The following PLPP7 variants were observed in gnomAD, a reference collection of about 807,000 sequenced individuals.
PLPP7 encodes the protein phospholipid phosphatase 7 (inactive).
Under a neutral mutation model 16.9 loss-of-function variants are expected in PLPP7, and 11 were observed. The observed-to-expected ratio is 0.65, with a 90% CI of 0.41 to 1.08. The LOEUF (loss-of-function observed/expected upper bound fraction) is 1.08, where lower values mean the gene tolerates loss of function less well. PLPP7 is among the 50% of genes least tolerant of loss of function. PLPP7 has a pLI of 0.00. For synonymous variants in PLPP7, 174 were observed against 175.1 expected, an observed-to-expected ratio of 0.99 and a Z score of 0.05; for missense variants, 358 against 397.1, an observed-to-expected ratio of 0.90 and a Z score of 0.84.
intron 1 of PLPP7, among the ~76,000 whole-genome samples, chr9:131,298,180 G>A (rs28469280): frequency 0.01 from 1,523 of 152,292 alleles, 17 homozygotes; most frequent in African/African-American, 0.035. Flanking sequence ...ATTCCTGCAA[G>A]GGGAAGAGCT....
At chr9:131,304,239 T>C (rs1835828953) in intron 1 of PLPP7, among the ~76,000 whole-genome samples, 1 of 152,094 alleles carries the variant, frequency 6.6e-6, no homozygotes, top group Non-Finnish European at 1.5e-5. Flanking sequence ...CATGGTGCCT[T>C]CCTCTCTCGG....
chr9:131,308,224 C>A lies in PLPP7; in HGVS notation c.753C>A (p.Phe251Leu). 1 of 1,599,602 alleles carries A rather than the reference C, an allele frequency of 6.3e-7. No individual in the cohort carries two copies. The highest frequency in any genetic ancestry group is 8.5e-7 in the Non-Finnish European group (1 of 1,179,816). Residue 251 changes from phenylalanine (F) to leucine (L), a missense_variant, in exon 2 of 2, where the codon TTC (phenylalanine) becomes TTA (leucine). Transcript: ENST00000372264. ...GCTTTGTCATCGGCTACCTCCAGTT[C>A]CGTCTGGTGGAGCTGGTCTGGATGC... ...LSGFVIGYLQFRLVELVWMPS... is the reference protein window; with the variant it reads ...LSGFVIGYLQLRLVELVWMPS...
At chr9:131,304,758 T>G (rs919887212) in intron 1 of PLPP7, among the ~76,000 whole-genome samples, 4 of 152,142 alleles carry the variant, frequency 2.6e-5, no homozygotes, top group Admixed American at 6.5e-5. Flanking sequence ...AAAAAACCTA[T>G]GAACAAACAG....
Position 131,290,998 on chromosome 9 carries a change from A to G in PLPP7, c.451+550A>G. On this transcript the variant is annotated intron_variant, in intron 1 of 1. Transcript: ENST00000372264. The surrounding 1 kb of genome is among the most constrained non-coding windows in gnomAD (Gnocchi z 4.2). ...TCCCCTGGGACTGCCACCCACTCAC[A>G]GCCCCCTGGAGTTCTTCCCTGCTCC... The G allele has an allele frequency of 8.1e-7, 1 of 1,235,208 alleles. No homozygotes were observed. The highest frequency in any genetic ancestry group is 1.2e-5 in the South Asian group (1 of 85,050). The allele number at this position is 1,235,208 out of a possible 1,614,324, so 76.5% of individuals were successfully genotyped here.
chr9:131,306,934 G>A (rs1196211429), intron 1 of PLPP7, among the ~76,000 whole-genome samples: 1 of 152,162 alleles, frequency 6.6e-6, no homozygotes, highest in African/African-American at 2.4e-5. Flanking sequence ...TGTAAATTTT[G>A]CTTCAATTTT....
intron 1 of PLPP7, among the ~76,000 whole-genome samples, chr9:131,292,279 T>A (rs1835686451): frequency 6.6e-6 from 1 of 152,204 alleles, no homozygotes; most frequent in African/African-American, 2.4e-5. Context: ...AGGCATACAC[T>A]CCAGTCTGTC....
intron 1 of PLPP7, chr9:131,291,235 GC>G (rs1444764136): frequency 1.0e-5 from 14 of 1,345,276 alleles, no homozygotes; most frequent in African/African-American, 1.5e-5. Flanking sequence ...TCCCCAAGGT[GC>G]CCCAGGAAGC....
Position 131,308,267 on chromosome 9 carries a change from A to G in PLPP7, c.796A>G (p.Met266Val). Residue 266 changes from methionine (M) to valine (V), a missense_variant, in exon 2 of 2, where the codon ATG becomes GTG. Physicochemically the swap from Met to Val is conservative, Grantham distance 21. Coordinates refer to ENST00000372264, the MANE Select transcript of PLPP7 (RefSeq NM_032728.4). ...LVWMPSSTCQ[M>V]LISAW ...CTGGATGCCCTCCAGCACCTGCCAG[A>G]TGCTCATCTCTGCCTGGTGAAGCGC... 1 of 1,595,036 alleles carries G rather than the reference A, an allele frequency of 6.3e-7. No individual in the cohort carries two copies. The highest frequency in any genetic ancestry group is 1.3e-5 in the African/African-American group (1 of 74,962).
intron 1 of PLPP7, among the ~76,000 whole-genome samples, chr9:131,307,376 G>A (rs1477154132): frequency 6.6e-6 from 1 of 151,158 alleles, no homozygotes; most frequent in Non-Finnish European, 1.5e-5. Context: ...ACATGGCAAA[G>A]CCCCATCTCT....
In PLPP7 at chr9:131,306,712, T is replaced by G. The variant is rs564800753; in HGVS notation, c.452-1211T>G. On this transcript the variant is annotated intron_variant, in intron 1 of 1. Coordinates refer to ENST00000372264, the MANE Select transcript of PLPP7 (RefSeq NM_032728.4). ...GCTGTCTGATTCCATTTACATGGAG[T>G]GTCTAGAGGAGGCAAATCCTCTAGA... 2.0e-5 allele frequency among the ~76,000 whole-genome samples: 3 copies of G among 151,940 alleles called. No homozygotes were observed. The East Asian group carries it at 5.8e-4, about 29-fold the overall frequency.
In PLPP7 at chr9:131,301,795, G is replaced by C. The variant is rs542194519; in HGVS notation, c.452-6128G>C. ...ATGGGTGAGTAGACCAAGGCGCTGA[G>C]AGGGGAAGGAACTTGTTCTTTTTTT... On this transcript the variant is annotated intron_variant, in intron 1 of 1. Coordinates refer to ENST00000372264, the MANE Select transcript of PLPP7 (RefSeq NM_032728.4). Among the ~76,000 whole-genome samples, 74 of 150,148 alleles carry C rather than the reference G, an allele frequency of 4.9e-4. 1 individual carries two copies. Among genetic ancestry groups the C allele is most frequent in the African/African-American group, 1.6e-3 (65 of 41,066 alleles).
Position 131,294,641 on chromosome 9 carries a change from G to A in PLPP7, c.451+4193G>A, listed in dbSNP as rs149770956. 2.0e-5 allele frequency among the ~76,000 whole-genome samples: 3 copies of A among 151,948 alleles called. No homozygotes were observed. In the East Asian group the frequency reaches 5.8e-4, roughly 30 times the overall value. On this transcript the variant is annotated intron_variant, in intron 1 of 1. Transcript: ENST00000372264. ...TTGTTCCTTGATCTATGTCCTTTATGAAAGTATCTTTTTGTTTGTTTGTTT... is the reference window on the plus strand; with the variant it reads ...TTGTTCCTTGATCTATGTCCTTTATAAAAGTATCTTTTTGTTTGTTTGTTT...
In PLPP7 at chr9:131,290,159, CG is replaced by C; in HGVS notation, c.166del (p.Ala56ProfsTer18). 1 of 1,575,530 alleles carries C rather than the reference CG, an allele frequency of 6.3e-7. No individual in the cohort carries two copies. The highest frequency in any genetic ancestry group is 8.6e-7 in the Non-Finnish European group (1 of 1,156,722). ...PSAQPPPAGD[G>X]ARERRQSQQL... is the part of the protein sequence containing the mutation. ...CAGCACAGCCCCCACCTGCTGGTGA[CG>C]GGGCCAGAGAGCGACGCCAGTCACA... On this transcript the variant is annotated frameshift_variant, in exon 1 of 2. Coordinates refer to ENST00000372264, the MANE Select transcript of PLPP7 (RefSeq NM_032728.4). LOFTEE classifies it high-confidence loss of function. The surrounding 1 kb of genome is among the most constrained non-coding windows in gnomAD (Gnocchi z 4.2).
rs369163929 is a variant in PLPP7 at position 131,308,209 on chromosome 9, C to T, written c.738C>T (p.Ile246=). The change falls in exon 2 of 2, where the codon ATC becomes ATT. Residue 246 remains isoleucine, a synonymous_variant. Coordinates refer to ENST00000372264, the MANE Select transcript of PLPP7 (RefSeq NM_032728.4). ...CGGACGTCCTCTCCGGCTTTGTCATCGGCTACCTCCAGTTCCGTCTGGTGG... is the reference window on the plus strand; with the variant it reads ...CGGACGTCCTCTCCGGCTTTGTCATTGGCTACCTCCAGTTCCGTCTGGTGG... ...HVTDVLSGFV[I]GYLQFRLVEL... is the part of the protein sequence containing the mutation. The T allele has an allele frequency of 1.9e-5, 30 of 1,599,720 alleles. No individual in the cohort carries two copies. The highest frequency in any genetic ancestry group is 5.5e-5 in the South Asian group (5 of 91,086).
chr9:131,305,692 G>C (rs1835845216), intron 1 of PLPP7, among the ~76,000 whole-genome samples: 2 of 152,056 alleles, frequency 1.3e-5, no homozygotes, highest in African/African-American at 4.8e-5. Context: ...ATGGGGTTTT[G>C]CCATGTTGCC....
At chr9:131,303,364 C>T (rs976991673) in intron 1 of PLPP7, among the ~76,000 whole-genome samples, 5 of 145,806 alleles carry the variant, frequency 3.4e-5, no homozygotes, top group African/African-American at 1.3e-4. Flanking sequence ...AAGCTGTGCT[C>T]TATAAGTGGA....
intron 1 of PLPP7, among the ~76,000 whole-genome samples, chr9:131,301,963 C>T (rs1479674949): frequency 1.8e-4 from 28 of 151,964 alleles, no homozygotes; most frequent in Admixed American, 1.8e-3. Flanking sequence ...ACTACAGGTG[C>T]CCGCCACCAT....
Position 131,290,360 on chromosome 9 carries a change from C to T in PLPP7, c.363C>T (p.His121=), listed in dbSNP as rs111933566. The T allele has an allele frequency of 7.0e-5, 112 of 1,608,550 alleles. 1 individual carries two copies. The highest frequency in any genetic ancestry group is 5.7e-4 in the African/African-American group (43 of 74,966). ...TCAAGCTCATCGGCATCACGGGCCACGGCATCCCCTGGATCGGAGGCACCA... is the reference window on the plus strand; with the variant it reads ...TCAAGCTCATCGGCATCACGGGCCATGGCATCCCCTGGATCGGAGGCACCA... ...SMVKLIGITG[H]GIPWIGGTIL... Residue 121 remains histidine, a synonymous_variant, in exon 1 of 2, where the codon CAC becomes CAT. Coordinates refer to ENST00000372264, the MANE Select transcript of PLPP7 (RefSeq NM_032728.4). The surrounding 1 kb of genome is among the most constrained non-coding windows in gnomAD (Gnocchi z 4.2).
At chr9:131,298,123 C>T (rs558206063) in intron 1 of PLPP7, among the ~76,000 whole-genome samples, 7 of 152,206 alleles carry the variant, frequency 4.6e-5, no homozygotes, top group South Asian at 4.2e-4. Flanking sequence ...GTGAACATCC[C>T]GGGCCATGAA....
Sources: allele counts gnomAD v4.1 joint callset (sites outside exome capture counted in the v4.1 genomes callset), GRCh38; gene constraint gnomAD v4.1.1; non-coding constraint Gnocchi (gnomAD v3.1); transcripts MANE v1.5; gene names NCBI Gene and HGNC (gene_info 2026-07-23, HGNC 2026-07-21).